The following PLAC1 variants were observed in gnomAD, a reference collection of about 807,000 sequenced individuals.
PLAC1 encodes the protein placenta-specific protein 1.
For synonymous variants in PLAC1, 68 were observed against 62.1 expected (o/e 1.09, Z -0.44); for missense variants, 136 against 163.2 (o/e 0.83, Z 0.91).
At chrX:134,755,856 CTTTT>C (rs776901556) in intron 1 of PLAC1, among the ~76,000 whole-genome samples, 1 of 45,522 alleles carries the variant, frequency 2.2e-5, no homozygotes, top group Non-Finnish European at 3.7e-5. Flanking sequence ...CCTTTTCTTT[CTTTT>C]TTTTTTTTTT....
intron 1 of PLAC1, among the ~76,000 whole-genome samples, chrX:134,739,815 A>T (rs1223501197): frequency 6.2e-5 from 7 of 112,637 alleles, no homozygotes; most frequent in Admixed American, 5.6e-4. Context: ...ATTATAACTT[A>T]AAAAATCTAT....
chrX:134,622,730 T>C (rs1031703563), intron 1 of PLAC1, among the ~76,000 whole-genome samples: 2 of 111,939 alleles, frequency 1.8e-5, no homozygotes, highest in Admixed American at 9.5e-5. Context: ...TAATTTGCTA[T>C]ATGACTATAG....
intron 1 of PLAC1, among the ~76,000 whole-genome samples, chrX:134,603,007 T>C (rs2078095886): frequency 9.4e-6 from 1 of 106,028 alleles, no homozygotes; most frequent in Non-Finnish European, 1.9e-5. Context: ...CTATCAACCA[T>C]GGGGAGGCAG....
chrX:134,589,915 G>A (rs970511724), intron 2 of PLAC1, among the ~76,000 whole-genome samples: 14 of 111,305 alleles, frequency 1.3e-4, no homozygotes, highest in African/African-American at 4.2e-4. Flanking sequence ...ATACAAATGG[G>A]CCGGGCGCGG....
At chrX:134,650,510 T>C (rs1231925126) in intron 1 of PLAC1, among the ~76,000 whole-genome samples, 2 of 110,815 alleles carry the variant, frequency 1.8e-5, no homozygotes, top group East Asian at 5.6e-4. Context: ...AGTGGAAGTG[T>C]TCATTCTCTG....
At chrX:134,572,441 G>A (rs1363416675) in intron 2 of PLAC1, among the ~76,000 whole-genome samples, 1 of 111,855 alleles carries the variant, frequency 8.9e-6, no homozygotes, top group Non-Finnish European at 1.9e-5. Context: ...TTTTAAAGAC[G>A]CTGAGACCGG....
At chrX:134,575,182 C>G (rs768245041) in intron 2 of PLAC1, among the ~76,000 whole-genome samples, 2 of 110,843 alleles carry the variant, frequency 1.8e-5, no homozygotes, top group Non-Finnish European at 3.8e-5. Flanking sequence ...TGTCCCCGAG[C>G]CTGAATGTTC....
intron 1 of PLAC1, among the ~76,000 whole-genome samples, chrX:134,618,701 C>T (rs1364905678): frequency 8.9e-6 from 1 of 112,065 alleles, no homozygotes; most frequent in East Asian, 2.8e-4. Context: ...CAGGCGTGAG[C>T]CACCATGCCC....
chrX:134,640,986 C>T (rs1163797076), intron 1 of PLAC1, among the ~76,000 whole-genome samples: 1 of 111,860 alleles, frequency 8.9e-6, no homozygotes, highest in African/African-American at 3.2e-5. Flanking sequence ...GTGGCATGTG[C>T]CTGTAGTCCT....
chrX:134,714,322 C>T (rs780409523), intron 2 of PLAC1, among the ~76,000 whole-genome samples: 1 of 109,031 alleles, frequency 9.2e-6, no homozygotes, highest in Non-Finnish European at 1.9e-5. Context: ...TCTCTATCCC[C>T]CCATCCCTCT....
chrX:134,683,260 T>C (rs756359219), intron 2 of PLAC1, among the ~76,000 whole-genome samples: 2 of 110,552 alleles, frequency 1.8e-5, no homozygotes, highest in South Asian at 7.9e-4. Context: ...CTAGTGGGCC[T>C]TGGAATCATC....
intron 2 of PLAC1, among the ~76,000 whole-genome samples, chrX:134,701,505 A>G (rs2078582956): frequency 8.9e-6 from 1 of 112,080 alleles, no homozygotes; most frequent in South Asian, 3.7e-4. Flanking sequence ...CAGACAACAT[A>G]TAGAATGGGA....
At chrX:134,627,909 A>G (rs1370129134) in intron 1 of PLAC1, among the ~76,000 whole-genome samples, 1 of 111,322 alleles carries the variant, frequency 9.0e-6, no homozygotes, top group Non-Finnish European at 1.9e-5. Context: ...GGAGACCTGG[A>G]TTTGAGGGGA....
intron 2 of PLAC1, among the ~76,000 whole-genome samples, chrX:134,693,838 G>A (rs11096402): frequency 0.52 from 57,688 of 110,313 alleles, 13,845 homozygotes; most frequent in Non-Finnish European, 0.75. Context: ...CAGTTCCTGT[G>A]GGTTTCTCAT....
At chrX:134,691,916 A>G (rs918480579) in intron 2 of PLAC1, among the ~76,000 whole-genome samples, 2 of 112,121 alleles carry the variant, frequency 1.8e-5, no homozygotes, top group African/African-American at 3.2e-5. Flanking sequence ...CATCACTTTG[A>G]ACATGAGCAA....
chrX:134,623,800 A>C (rs1442398844), intron 1 of PLAC1, among the ~76,000 whole-genome samples: 2 of 111,934 alleles, frequency 1.8e-5, no homozygotes, highest in African/African-American at 6.5e-5. Flanking sequence ...TTCTACATAG[A>C]AAGAAGCTTC....
chrX:134,635,511 TA>T (rs200595073), intron 1 of PLAC1, among the ~76,000 whole-genome samples: 1,388 of 110,252 alleles, frequency 0.013, 23 homozygotes, highest in African/African-American at 0.044. Context: ...CTAGCTAATT[TA>T]AAAAAATCAT....
rs541590872 is a variant in PLAC1, at chrX:134,699,161, C to T, written n.174+34274G>A. Among the ~76,000 whole-genome samples, 11 of 111,817 alleles carry T rather than the reference C, an allele frequency of 9.8e-5. No individual in the cohort carries two copies. The South Asian group carries it at 4.1e-3, about 42-fold the overall frequency. ...TGATATGGTTTGAATGGTTTTTGTC[C>T]CCTCCAAAATTCGTGCAGGAACTTA... On this transcript the variant is annotated intron_variant and non_coding_transcript_variant, in intron 2 of 2. Coordinates refer to the PLAC1 transcript ENST00000466797.
chrX:134,724,333 C>T (rs2078667498), intron 2 of PLAC1, among the ~76,000 whole-genome samples: 1 of 112,134 alleles, frequency 8.9e-6, no homozygotes, highest in Admixed American at 9.5e-5. Context: ...TATCTATCTG[C>T]ACTGATTTTT....
Sources: allele counts gnomAD v4.1 joint callset (sites outside exome capture counted in the v4.1 genomes callset), GRCh38; gene constraint gnomAD v4.1.1; transcripts MANE v1.5; gene names NCBI Gene and HGNC (gene_info 2026-07-23, HGNC 2026-07-21).